The following AKAP13 variants were observed in gnomAD, a reference collection of about 807,000 sequenced individuals.
The protein encoded by AKAP13 is A-kinase anchoring protein 13.
AKAP13 carries 80 observed loss-of-function variants against 264.5 expected under a neutral mutation model. That is an observed-to-expected ratio of 0.30 (90% CI 0.25 to 0.36). The LOEUF (loss-of-function observed/expected upper bound fraction) is 0.36. Among genes scored for constraint, AKAP13 ranks in the 10% least tolerant of loss-of-function variants. AKAP13 has a pLI of 1.00. For synonymous variants in AKAP13, 1,380 were observed against 1,250.2 expected (o/e 1.10, Z -2.19); for missense variants, 3,712 against 3,435.2 (o/e 1.08, Z -2.01).
At chr15:85,403,847 C>CAAA (rs11342591) in intron 1 of AKAP13, among the ~76,000 whole-genome samples, 1 of 128,322 alleles carries the variant, frequency 7.8e-6, no homozygotes, top group Non-Finnish European at 1.7e-5. Flanking sequence ...AAACTCCTCT[C>CAAA]AAAAAAAAAA....
At chr15:85,399,020 G>A (rs889729213) in intron 1 of AKAP13, among the ~76,000 whole-genome samples, 6 of 152,026 alleles carry the variant, frequency 3.9e-5, no homozygotes, top group Non-Finnish European at 8.8e-5. Flanking sequence ...ATACATCTGT[G>A]TGTCCTTGTT....
intron 1 of AKAP13, among the ~76,000 whole-genome samples, chr15:85,445,491 T>A (rs1183917481): frequency 6.6e-6 from 1 of 152,248 alleles, no homozygotes; most frequent in Non-Finnish European, 1.5e-5. Flanking sequence ...TTAGGATGTT[T>A]TGTTTCCTGA....
chr15:85,694,304 C>G (rs1446356039), intron 17 of AKAP13, among the ~76,000 whole-genome samples: 1 of 152,246 alleles, frequency 6.6e-6, no homozygotes, highest in Non-Finnish European at 1.5e-5. Flanking sequence ...AAGACACTCT[C>G]AGGCAGGAGT....
chr15:85,570,663 T>C (rs934828199), intron 5 of AKAP13, among the ~76,000 whole-genome samples: 1 of 152,202 alleles, frequency 6.6e-6, no homozygotes, highest in Non-Finnish European at 1.5e-5. Flanking sequence ...TCCTGTGCTT[T>C]GTAGGATCCC....
At chr15:85,665,440 A>T (rs1199456446) in intron 13 of AKAP13, among the ~76,000 whole-genome samples, 1 of 152,236 alleles carries the variant, frequency 6.6e-6, no homozygotes, top group Non-Finnish European at 1.5e-5. Context: ...TGTAGGAAAA[A>T]AATTAAAAAC....
In AKAP13 at chr15:85,579,576, G is replaced by A. The variant is rs370099086; in HGVS notation, c.1508G>A (p.Ser503Asn). The A allele has an allele frequency of 4.6e-5, 75 of 1,614,220 alleles. 5 individuals are homozygous for A. In the Middle Eastern group the frequency reaches 6.6e-4, roughly 14 times the overall value. Residue 503 changes from serine (S) to asparagine (N), a missense_variant, in exon 7 of 37, where the codon AGT becomes AAT. This residue lies in a region of AKAP13 where 2,759 missense variants were observed against 2,411.7 expected (regional missense o/e 1.14). Coordinates refer to ENST00000394518, the MANE Select transcript of AKAP13 (RefSeq NM_007200.5). Reference sequence around the variant, plus strand: ...AAGAATGTGCTTCAGGGAGGGGAAAGTACAAAGGAAAGATTTGAGAACTCT... The same window carrying A: ...AAGAATGTGCTTCAGGGAGGGGAAAATACAAAGGAAAGATTTGAGAACTCT... The part of the protein sequence containing the change: ...VWKNVLQGGE[S>N]TKERFENSNI...
At chr15:85,663,998 G>C (rs79925864) in intron 12 of AKAP13, among the ~76,000 whole-genome samples, 1 of 152,198 alleles carries the variant, frequency 6.6e-6, no homozygotes. Context: ...GCAGTTGTTT[G>C]GCCAGGTGTG....
chr15:85,646,860 C>T (rs1259307643), intron 10 of AKAP13, among the ~76,000 whole-genome samples: 1 of 152,182 alleles, frequency 6.6e-6, no homozygotes, highest in African/African-American at 2.4e-5. Context: ...TTTCTAGTGG[C>T]AGCAAGTTCT....
intron 8 of AKAP13, among the ~76,000 whole-genome samples, chr15:85,601,608 T>TTGTGTGTGTG (rs10574160): frequency 0.1 from 13,364 of 131,854 alleles, 765 homozygotes; most frequent in South Asian, 0.13. Context: ...CCTGAATTCT[T>TTGTGTGTGTG]TGTGTGTGTG....
intron 14 of AKAP13, 22 bp downstream of exon 14, chr15:85,669,852 AAAATT>A: frequency 6.7e-7 from 1 of 1,496,324 alleles, no homozygotes; most frequent in Non-Finnish European, 9.2e-7. Flanking sequence ...ACTTTTTAAA[AAAATT>A]AAATATATTA....
chr15:85,419,472 G>T (rs1458173814), intron 1 of AKAP13, among the ~76,000 whole-genome samples: 3 of 152,200 alleles, frequency 2.0e-5, no homozygotes, highest in Non-Finnish European at 4.4e-5. Context: ...GTATGTCACT[G>T]TTGACCCGGA....
intron 10 of AKAP13, among the ~76,000 whole-genome samples, chr15:85,653,507 T>C (rs1256054088): frequency 1.3e-5 from 2 of 152,206 alleles, no homozygotes; most frequent in East Asian, 3.9e-4. Flanking sequence ...TATTAGCTTA[T>C]GAGATCAAGC....
chr15:85,502,203 A>G (rs2076055882), intron 2 of AKAP13, among the ~76,000 whole-genome samples: 1 of 152,236 alleles, frequency 6.6e-6, no homozygotes, highest in Admixed American at 6.5e-5. Context: ...GGAGTCAAGT[A>G]GACACAGCTT....
chr15:85,615,212 T>G (rs1167859991), intron 8 of AKAP13, among the ~76,000 whole-genome samples: 1 of 152,268 alleles, frequency 6.6e-6, no homozygotes, highest in Non-Finnish European at 1.5e-5. Flanking sequence ...TCTTAAGTTT[T>G]CTTCTTGCAA....
intron 17 of AKAP13, 55 bp from the exon 18 acceptor site, chr15:85,707,962 CAG>C: frequency 6.3e-7 from 1 of 1,583,028 alleles, no homozygotes; most frequent in East Asian, 2.2e-5. Flanking sequence ...AGTGGAAACT[CAG>C]AATCTGGGAT....
At chr15:85,455,735 G>A (rs890631457) in intron 1 of AKAP13, among the ~76,000 whole-genome samples, 6 of 151,644 alleles carry the variant, frequency 4.0e-5, no homozygotes, top group East Asian at 3.9e-4. Context: ...TTTCAAAGGC[G>A]CACAGTCCAT....
intron 2 of AKAP13, among the ~76,000 whole-genome samples, chr15:85,511,378 C>T: frequency 6.6e-6 from 1 of 152,168 alleles, no homozygotes; most frequent in East Asian, 1.9e-4. Flanking sequence ...ACTTTCAGAT[C>T]TGACTGGCCA....
At chr15:85,595,797 G>C (rs566606686) in intron 8 of AKAP13, among the ~76,000 whole-genome samples, 1 of 152,282 alleles carries the variant, frequency 6.6e-6, no homozygotes, top group East Asian at 1.9e-4. Context: ...AGTTTGCAAG[G>C]TAACTGATCT....
intron 1 of AKAP13, among the ~76,000 whole-genome samples, chr15:85,387,594 G>GCCTCCCAT (rs2070640263): frequency 6.6e-6 from 1 of 152,092 alleles, no homozygotes; most frequent in Admixed American, 6.5e-5. Context: ...CAAAGTGTAG[G>GCCTCCCAT]GATTACAGGC....
Sources: allele counts gnomAD v4.1 joint callset (sites outside exome capture counted in the v4.1 genomes callset), GRCh38; gene constraint gnomAD v4.1.1; regional missense constraint gnomAD v4.1.1; transcripts MANE v1.5; gene names NCBI Gene and HGNC (gene_info 2026-07-23, HGNC 2026-07-21).